Variants in GPC5 observed in about 807,000 individuals in gnomAD.
GPC5 encodes glypican 5, also known as glypican-5.
In GPC5, 47 loss-of-function variants were observed where a neutral mutation model predicts 53.9. The ratio of observed to expected loss-of-function variants is 0.87; its 90% CI spans 0.69 to 1.11. GPC5 has a LOEUF of 1.11. Ranked by LOEUF, GPC5 falls within the 50% of genes most tolerant of loss-of-function variation. GPC5 has a pLI of 0.00. For missense variants in GPC5, 748 were observed against 713.1 expected, an observed-to-expected ratio of 1.05 and a Z score of -0.56; for synonymous variants, 286 against 263.3, an observed-to-expected ratio of 1.09 and a Z score of -0.84.
chr13:92,303,531 T>C (rs1323229989), intron 7 of GPC5, among the ~76,000 whole-genome samples: 2 of 151,920 alleles, frequency 1.3e-5, no homozygotes, highest in Non-Finnish European at 2.9e-5. Flanking sequence ...GAGAGAATTG[T>C]GTCAGGGAGA....
rs9584030 is a variant in GPC5 at position 92,476,564 on chromosome 13, A to G, written c.1561+331575A>G. Among the ~76,000 whole-genome samples, 988 of 149,468 alleles carry G rather than the reference A, an allele frequency of 6.6e-3. 10 individuals are homozygous for G. Among genetic ancestry groups the G allele is most frequent in the African/African-American group, 0.023 (889 of 39,042 alleles). Reference sequence around the variant, plus strand: ...ACTGGGTATATACCCAAAGGATTATAAATCATGCTGCTATAAAGACACATG... The same window carrying G: ...ACTGGGTATATACCCAAAGGATTATGAATCATGCTGCTATAAAGACACATG... On this transcript the variant is annotated intron_variant, in intron 7 of 7. Coordinates refer to ENST00000377067, the MANE Select transcript of GPC5 (RefSeq NM_004466.6).
Position 92,347,897 on chromosome 13 carries a change from A to G in GPC5, c.1561+202908A>G, listed in dbSNP as rs1376439741. Among the ~76,000 whole-genome samples, 8 of 12,852 alleles carry G rather than the reference A, an allele frequency of 6.2e-4. 4 individuals carry two copies. The Admixed American group carries it at 6.5e-3, about 10-fold the overall frequency. The allele number at this position is 12,852 out of a possible 152,430, so 8.4% of individuals were successfully genotyped here. A position where few individuals can be genotyped will look rare whatever the true frequency, so the allele number is the denominator to read the frequency against. On this transcript the variant is annotated intron_variant, in intron 7 of 7. Transcript: ENST00000377067. Reference sequence around the variant, plus strand: ...ATAATATATATTATATATATTATATATATAATATATATATAATATATATAT... The same window carrying G: ...ATAATATATATTATATATATTATATGTATAATATATATATAATATATATAT...
intron 5 of GPC5, among the ~76,000 whole-genome samples, chr13:91,794,266 C>T (rs995958183): frequency 5.3e-5 from 8 of 152,162 alleles, no homozygotes; most frequent in African/African-American, 1.4e-4. Flanking sequence ...CAGTAGAGGG[C>T]TGATTTCTAG....
At chr13:92,141,996 A>G (rs1240692017) in intron 6 of GPC5, among the ~76,000 whole-genome samples, 1 of 151,960 alleles carries the variant, frequency 6.6e-6, no homozygotes, top group Non-Finnish European at 1.5e-5. Context: ...CAAGCTCCTC[A>G]CCCTCACATC....
At chr13:92,209,798 A>G (rs1242603198) in intron 7 of GPC5, among the ~76,000 whole-genome samples, 4 of 152,116 alleles carry the variant, frequency 2.6e-5, no homozygotes, top group Non-Finnish European at 4.4e-5. Context: ...TAGGATAGAT[A>G]TATATATAAA....
chr13:92,171,976 A>G (rs1037868854), intron 7 of GPC5, among the ~76,000 whole-genome samples: 4 of 152,202 alleles, frequency 2.6e-5, no homozygotes, highest in Non-Finnish European at 4.4e-5. Context: ...CCCAAAGCCT[A>G]CCATTGCCGT....
At chr13:91,947,879 A>T (rs2039988348) in intron 6 of GPC5, among the ~76,000 whole-genome samples, 1 of 152,186 alleles carries the variant, frequency 6.6e-6, no homozygotes, top group East Asian at 1.9e-4. Flanking sequence ...TTGTTGAGTT[A>T]ATGAAAGAAT....
intron 6 of GPC5, among the ~76,000 whole-genome samples, chr13:91,937,479 T>C (rs1378817008): frequency 6.6e-6 from 1 of 152,068 alleles, no homozygotes; most frequent in Non-Finnish European, 1.5e-5. Context: ...TCCTCACCGG[T>C]AAATGCCTTA....
intron 6 of GPC5, among the ~76,000 whole-genome samples, chr13:92,124,025 A>G: frequency 6.6e-6 from 1 of 151,966 alleles, no homozygotes; most frequent in Non-Finnish European, 1.5e-5. Context: ...TCTCTTTTCT[A>G]GTGAATAATG....
intron 7 of GPC5, among the ~76,000 whole-genome samples, chr13:92,369,939 G>A (rs546928978): frequency 1.3e-5 from 2 of 152,280 alleles, no homozygotes; most frequent in East Asian, 3.9e-4. Flanking sequence ...GCAGTATGGT[G>A]CTTATATATG....
At chr13:91,786,588 G>C (rs1351315963) in intron 5 of GPC5, among the ~76,000 whole-genome samples, 3 of 152,050 alleles carry the variant, frequency 2.0e-5, no homozygotes, top group African/African-American at 4.8e-5. Context: ...CTTTGTGTAT[G>C]TGTCGTGTTT....
chr13:91,786,606 C>T (rs1446253571), intron 5 of GPC5, among the ~76,000 whole-genome samples: 1 of 151,916 alleles, frequency 6.6e-6, no homozygotes, highest in Non-Finnish European at 1.5e-5. Context: ...TTTTTCATAT[C>T]GTGATTTAAG....
intron 7 of GPC5, among the ~76,000 whole-genome samples, chr13:92,672,556 C>A (rs1378270387): frequency 6.6e-6 from 1 of 152,084 alleles, no homozygotes; most frequent in African/African-American, 2.4e-5. Context: ...GAATATAAAT[C>A]ATTATATTAT....
In GPC5 at chr13:92,475,946, G is replaced by C. The variant is rs201688882; in HGVS notation, c.1561+330957G>C. On this transcript the variant is annotated intron_variant, in intron 7 of 7. Coordinates refer to ENST00000377067, the MANE Select transcript of GPC5 (RefSeq NM_004466.6). ...ACCTAAAACCATAAAAAGCCTAGAA[G>C]AAAACCTAGGCATTACCATTCAGGA... Among the ~76,000 whole-genome samples, 36 of 152,156 alleles carry C rather than the reference G, an allele frequency of 2.4e-4. 1 individual carries two copies. The East Asian group carries it at 6.8e-3, about 29-fold the overall frequency.
chr13:92,543,810 A>G (rs1882010932), intron 7 of GPC5, among the ~76,000 whole-genome samples: 1 of 152,114 alleles, frequency 6.6e-6, no homozygotes, highest in African/African-American at 2.4e-5. Flanking sequence ...ATATATTTAA[A>G]ATTGACAAAC....
intron 6 of GPC5, among the ~76,000 whole-genome samples, chr13:92,101,166 A>G (rs1455010325): frequency 2.0e-5 from 3 of 152,200 alleles, no homozygotes; most frequent in African/African-American, 7.2e-5. Context: ...ATATGAATTA[A>G]CGAATTTGAA....
At chr13:92,373,304 T>C (rs879743002) in intron 7 of GPC5, among the ~76,000 whole-genome samples, 3 of 152,236 alleles carry the variant, frequency 2.0e-5, no homozygotes, top group Admixed American at 1.3e-4. Flanking sequence ...ATATTTGTTA[T>C]GCTAATGTGC....
At chr13:92,016,882 T>C (rs1243738689) in intron 6 of GPC5, among the ~76,000 whole-genome samples, 2 of 151,890 alleles carry the variant, frequency 1.3e-5, no homozygotes, top group African/African-American at 4.8e-5. Context: ...CTGGGAAGAG[T>C]AGGAATGCTT....
At chr13:92,123,920 A>G (rs1289905581) in intron 6 of GPC5, among the ~76,000 whole-genome samples, 8 of 152,150 alleles carry the variant, frequency 5.3e-5, no homozygotes, top group Non-Finnish European at 1.2e-4. Flanking sequence ...ACTATTTTCC[A>G]AATTATTTTT....
Sources: gnomAD v4.1 joint callset for allele counts (sites outside exome capture counted in the v4.1 genomes callset) on GRCh38, gnomAD v4.1.1 for gene constraint, MANE v1.5 for transcripts, NCBI Gene and HGNC (gene_info 2026-07-23, HGNC 2026-07-21) for gene names.